The following NEURL1B variants were observed in gnomAD, a reference collection of about 807,000 sequenced individuals.
NEURL1B encodes E3 ubiquitin-protein ligase NEURL1B.
In NEURL1B, 13 loss-of-function variants were observed where a neutral mutation model predicts 37.4. The ratio of observed to expected loss-of-function variants is 0.35; its 90% CI spans 0.23 to 0.55. The LOEUF is 0.55. Among genes scored for constraint, NEURL1B ranks in the 20% least tolerant of loss-of-function variants. The pLI is 0.89. For synonymous variants in NEURL1B, 432 were observed against 426.6 expected (o/e 1.01, Z -0.16); for missense variants, 790 against 879.2 (o/e 0.90, Z 1.28).
Position 172,683,725 on chromosome 5 carries a change from AC to A in NEURL1B, c.886del (p.Arg296AlafsTer164). On this transcript the variant is annotated frameshift_variant, in exon 3 of 5. Coordinates refer to ENST00000369800, the MANE Select transcript of NEURL1B (RefSeq NM_001142651.3). LOFTEE classifies it high-confidence loss of function. This position sits in a 1 kb window ranked among gnomAD's most constrained non-coding sequence, Gnocchi z 5.6. ...GGGCCCGACGTGAGCCTGTCGGCCG[AC>A]CGCAAAGTGGCCTGCGCACCGCGGC... ...TRGPDVSLSA[D>X]RKVACAPRPD... 1.5e-6 allele frequency: 2 copies of A among 1,357,530 alleles called. No homozygotes were observed. The highest frequency in any genetic ancestry group is 9.5e-7 in the Non-Finnish European group (1 of 1,047,120). The allele number at this position is 1,357,530 out of a possible 1,614,324, so 84.1% of individuals were successfully genotyped here.
In NEURL1B at chr5:172,670,101, G is replaced by A. The variant is rs1332657855; in HGVS notation, c.348G>A (p.Lys116=). ...TCATGAGCGCCCAGGACATCCCCAA[G>A]TACGCCTGCCCGGACCTGGTCACGC... ...PSLMSAQDIP[K]YACPDLVTRP... is the part of the protein sequence containing the mutation. The change falls in exon 2 of 5, where the codon AAG becomes AAA. Residue 116 remains lysine, a synonymous_variant. Transcript: ENST00000369800. The A allele has an allele frequency of 3.3e-6, 5 of 1,525,604 alleles. No individual in the cohort carries two copies. In the East Asian group the frequency reaches 1.0e-4, roughly 31 times the overall value. 94.5% of individuals were successfully genotyped at this position (1,525,604 alleles called of 1,614,324 possible). A position where few individuals can be genotyped will look rare whatever the true frequency, so the allele number is the denominator to read the frequency against.
At chr5:172,670,409 C>T in intron 2 of NEURL1B, 79 bp downstream of exon 2, 12 of 1,176,480 alleles carry the variant, frequency 1.0e-5, no homozygotes, top group Non-Finnish European at 1.2e-5. Context: ...TTAGTAGCCA[C>T]AGTCACTTAT....
intron 2 of NEURL1B, among the ~76,000 whole-genome samples, chr5:172,680,926 G>A (rs1361616351): frequency 6.6e-6 from 1 of 152,212 alleles, no homozygotes; most frequent in Non-Finnish European, 1.5e-5. Context: ...CCTGAGACTG[G>A]ATAATTTGTA....
intron 1 of NEURL1B, among the ~76,000 whole-genome samples, chr5:172,658,388 C>T (rs1213774770): frequency 5.9e-5 from 9 of 152,174 alleles, no homozygotes; most frequent in African/African-American, 2.2e-4. Context: ...TCCACACTTA[C>T]CTGCTCTCAT....
Position 172,669,894 on chromosome 5 carries a change from C to A in NEURL1B, c.141C>A (p.Gly47=). 6.9e-7 allele frequency: 1 copy of A among 1,451,222 alleles called. No homozygotes were observed. The allele number at this position is 1,451,222 out of a possible 1,614,324, so 89.9% of individuals were successfully genotyped here. A position where few individuals can be genotyped will look rare whatever the true frequency, so the allele number is the denominator to read the frequency against. Residue 47 remains glycine (G), a synonymous_variant, in exon 2 of 5, where the codon GGC becomes GGA. Coordinates refer to ENST00000369800, the MANE Select transcript of NEURL1B (RefSeq NM_001142651.3). Reference sequence around the variant, plus strand: ...CGCGCTTCCACGCGCAGGCCAAAGGCAAGAACGTGCGGCTGGACGGCCACT... The same window carrying A: ...CGCGCTTCCACGCGCAGGCCAAAGGAAAGAACGTGCGGCTGGACGGCCACT... ...EAPRFHAQAK[G]KNVRLDGHSR...
At chr5:172,658,419 G>A (rs893697370) in intron 1 of NEURL1B, among the ~76,000 whole-genome samples, 1 of 152,108 alleles carries the variant, frequency 6.6e-6, no homozygotes, top group African/African-American at 2.4e-5. Context: ...GGCGTTTGGG[G>A]GAAGCCCTGC....
intron 1 of NEURL1B, among the ~76,000 whole-genome samples, chr5:172,663,828 G>T (rs1561645790): frequency 7.0e-5 from 3 of 43,122 alleles, no homozygotes; most frequent in South Asian, 1.1e-3. Context: ...GGTTTTATTT[G>T]TTTATTATTA....
At chr5:172,681,997 C>T (rs1758361978) in intron 2 of NEURL1B, among the ~76,000 whole-genome samples, 1 of 152,158 alleles carries the variant, frequency 6.6e-6, no homozygotes, top group Admixed American at 6.5e-5. Flanking sequence ...CTCTTCTAGA[C>T]CTTAGTCGTT....
At chr5:172,673,857 G>A (rs1758178255) in intron 2 of NEURL1B, among the ~76,000 whole-genome samples, 1 of 151,146 alleles carries the variant, frequency 6.6e-6, no homozygotes, top group Admixed American at 6.6e-5. Flanking sequence ...ATTCAAATGT[G>A]GCTACACGCG....
chr5:172,668,556 C>T (rs1023788262), intron 1 of NEURL1B, among the ~76,000 whole-genome samples: 2 of 152,210 alleles, frequency 1.3e-5, no homozygotes, highest in African/African-American at 4.8e-5. Flanking sequence ...CAAACCCCCC[C>T]ACTTCCACTC....
chr5:172,659,046 C>CG (rs1489651192), intron 1 of NEURL1B, among the ~76,000 whole-genome samples: 11 of 135,732 alleles, frequency 8.1e-5, no homozygotes, highest in African/African-American at 3.1e-4. Context: ...CCCCCCCCCC[C>CG]CAAAGCTTCC....
In NEURL1B at chr5:172,691,449, G is replaced by A. The variant is rs1758657465; in HGVS notation, c.*4524G>A. On this transcript the variant is annotated 3_prime_UTR_variant, in exon 5 of 5. Transcript: ENST00000369800. ...CTTGAGTGTTGTGCTTTTCTGTGTT[G>A]TGTGTTTTGATTTTTGTCTTTTTAT... The A allele has an allele frequency of 6.6e-6, 1 of 151,610 alleles. No homozygotes were observed. Among genetic ancestry groups the A allele is most frequent in the African/African-American group, 2.4e-5 (1 of 41,206 alleles). 9.4% of individuals were successfully genotyped at this position (151,610 alleles called of 1,614,324 possible). A position where few individuals can be genotyped will look rare whatever the true frequency, so the allele number is the denominator to read the frequency against.
intron 1 of NEURL1B, chr5:172,656,656 T>C (rs764907913): frequency 1.4e-5 from 23 of 1,589,196 alleles, no homozygotes; most frequent in Non-Finnish European, 1.9e-5. Flanking sequence ...TCCATCTCCT[T>C]GGCCTACTTC....
In NEURL1B at chr5:172,687,180, C is replaced by T. The variant is rs1369878695; in HGVS notation, c.*255C>T. 2.6e-6 allele frequency: 1 copy of T among 387,606 alleles called. No individual in the cohort carries two copies. The highest frequency in any genetic ancestry group is 3.8e-5 in the Admixed American group (1 of 26,624). The allele number at this position is 387,606 out of a possible 1,614,324, so 24.0% of individuals were successfully genotyped here. A position where few individuals can be genotyped will look rare whatever the true frequency, so the allele number is the denominator to read the frequency against. ...AACTGCCTGGCAGATCACCCTGTCC[C>T]TTGGTGACCTTTCAACTGGGAAACA... On this transcript the variant is annotated 3_prime_UTR_variant, in exon 5 of 5. Transcript: ENST00000369800.
At chr5:172,669,734 C>A in intron 1 of NEURL1B, 51 bp from the exon 2 acceptor site, 1 of 1,183,836 alleles carries the variant, frequency 8.4e-7, no homozygotes, top group Non-Finnish European at 1.1e-6. Context: ...CCAATCGGGG[C>A]CCGCAGGAGT....
At chr5:172,672,546 C>G (rs936861311) in intron 2 of NEURL1B, among the ~76,000 whole-genome samples, 2 of 147,384 alleles carry the variant, frequency 1.4e-5, no homozygotes, top group East Asian at 2.1e-4. Flanking sequence ...ACTCTCCCCC[C>G]CCCACTCTAT....
At chr5:172,669,506 G>GT (rs955594176) in intron 1 of NEURL1B, among the ~76,000 whole-genome samples, 7 of 151,356 alleles carry the variant, frequency 4.6e-5, no homozygotes, top group Admixed American at 1.3e-4. Flanking sequence ...GGCTCTTGGT[G>GT]TTGGCGCCTC....
Position 172,688,959 on chromosome 5 carries a change from T to C in NEURL1B, c.*2034T>C, listed in dbSNP as rs1185670413. ...CACAAGCTGTGGGGTCTCAGTGGCC[T>C]GGGGGAAAGCAGCTCCACTCTCCTG... On this transcript the variant is annotated 3_prime_UTR_variant, in exon 5 of 5. Transcript: ENST00000369800. The surrounding 1 kb of genome is among the most constrained non-coding windows in gnomAD (Gnocchi z 4.3). 6.6e-6 allele frequency: 1 copy of C among 152,228 alleles called. No homozygotes were observed. The highest frequency in any genetic ancestry group is 1.5e-5 in the Non-Finnish European group (1 of 68,070). The allele number at this position is 152,228 out of a possible 1,614,324, so 9.4% of individuals were successfully genotyped here.
In NEURL1B at chr5:172,688,532, C is replaced by T. The variant is rs1013154579; in HGVS notation, c.*1607C>T. On this transcript the variant is annotated 3_prime_UTR_variant, in exon 5 of 5. Transcript: ENST00000369800. The surrounding 1 kb of genome is among the most constrained non-coding windows in gnomAD (Gnocchi z 4.3). ...AAGCTGGGCCAGGCCTTCACCAGAT[C>T]AAGCCCCACAGACCAGCTGGTGCCC... 1 of 152,266 alleles carries T rather than the reference C, an allele frequency of 6.6e-6. No individual in the cohort carries two copies. Among genetic ancestry groups the T allele is most frequent in the Non-Finnish European group, 1.5e-5 (1 of 68,064 alleles). 9.4% of individuals were successfully genotyped at this position (152,266 alleles called of 1,614,324 possible).
Sources: gnomAD v4.1 joint callset for allele counts (sites outside exome capture counted in the v4.1 genomes callset) on GRCh38, gnomAD v4.1.1 for gene constraint, Gnocchi (gnomAD v3.1) non-coding constraint, MANE v1.5 for transcripts, NCBI Gene and HGNC (gene_info 2026-07-23, HGNC 2026-07-21) for gene names.